The following NYAP2 variants were observed in gnomAD, a reference collection of about 807,000 sequenced individuals.
The protein encoded by NYAP2 is neuronal tyrosine-phosphorylated phosphoinositide-3-kinase adapter 2.
In NYAP2, 23 loss-of-function variants were observed where a neutral mutation model predicts 50.4. The ratio of observed to expected loss-of-function variants is 0.46; its 90% confidence interval spans 0.33 to 0.65. The LOEUF is 0.65. Ranked by LOEUF, NYAP2 falls within the 30% of genes least tolerant of loss-of-function variation. The pLI, the probability that NYAP2 is intolerant of heterozygous loss-of-function variation, is 0.02. For missense variants in NYAP2, 885 were observed against 861.0 expected, an observed-to-expected ratio of 1.03 and a Z score of -0.35; for synonymous variants, 394 against 365.2, an observed-to-expected ratio of 1.08 and a Z score of -0.90.
the NYAP2 span, among the ~76,000 whole-genome samples, chr2:225,677,656 C>T: frequency 2.0e-5 from 3 of 152,074 alleles, no homozygotes; most frequent in African/African-American, 7.2e-5. Flanking sequence ...TCTTTCTCTG[C>T]ATCTATTGAG....
chr2:225,606,190 T>C (rs1345491877), intron 5 of NYAP2, among the ~76,000 whole-genome samples: 1 of 152,132 alleles, frequency 6.6e-6, no homozygotes. Flanking sequence ...AAGTATGAAC[T>C]GGTACCCAGG....
At chr2:225,458,816 A>C (rs1464040229) in intron 3 of NYAP2, among the ~76,000 whole-genome samples, 2 of 152,358 alleles carry the variant, frequency 1.3e-5, no homozygotes, top group South Asian at 4.1e-4. Flanking sequence ...TTAGTCAAGA[A>C]GCTGTGTTGG....
chr2:225,641,482 A>AT (rs68154554), intron 6 of NYAP2, among the ~76,000 whole-genome samples: 52,544 of 136,332 alleles, frequency 0.39, 10,319 homozygotes, highest in East Asian at 0.43. Context: ...CACACACACA[A>AT]TTTTTTTTTT....
intron 4 of NYAP2, among the ~76,000 whole-genome samples, chr2:225,558,453 C>A (rs963634235): frequency 2.0e-5 from 3 of 152,058 alleles, no homozygotes; most frequent in Non-Finnish European, 2.9e-5. Flanking sequence ...TGGTTTATGA[C>A]CCCCGTCCTC....
At chr2:225,626,183 G>T (rs1309356273) in intron 5 of NYAP2, among the ~76,000 whole-genome samples, 2 of 152,202 alleles carry the variant, frequency 1.3e-5, no homozygotes, top group Non-Finnish European at 2.9e-5. Context: ...CAGGCAGTTG[G>T]ATAAATGAAT....
downstream of NYAP2, among the ~76,000 whole-genome samples, chr2:225,655,457 G>T (rs1253821490): frequency 6.6e-6 from 1 of 152,134 alleles, no homozygotes; most frequent in East Asian, 1.9e-4. Context: ...CCTACCATTA[G>T]AAAGTTAACT....
At chr2:225,643,254 A>C (rs1040540987) in intron 6 of NYAP2, among the ~76,000 whole-genome samples, 6 of 151,758 alleles carry the variant, frequency 4.0e-5, no homozygotes, top group Non-Finnish European at 8.8e-5. Context: ...TGCCATAGAG[A>C]TTTTTCCAGG....
chr2:225,398,403 T>G (rs999443096), upstream of NYAP2, among the ~76,000 whole-genome samples: 26 of 152,048 alleles, frequency 1.7e-4, no homozygotes, highest in African/African-American at 6.0e-4. Flanking sequence ...TGATAAAGTG[T>G]TTCCGTTTTC....
chr2:225,595,925 C>T (rs533581809), intron 5 of NYAP2, among the ~76,000 whole-genome samples: 1 of 152,320 alleles, frequency 6.6e-6, no homozygotes, highest in East Asian at 1.9e-4. Flanking sequence ...TTACATGAGG[C>T]TTCCTAATTG....
At chr2:225,546,964 G>A (rs76981738) in intron 4 of NYAP2, among the ~76,000 whole-genome samples, 1 of 152,132 alleles carries the variant, frequency 6.6e-6, no homozygotes, top group Non-Finnish European at 1.5e-5. Context: ...CAGGCCCAGA[G>A]TGTGTCTAGA....
At chr2:225,590,779 C>T (rs554329576) in intron 5 of NYAP2, among the ~76,000 whole-genome samples, 12 of 152,288 alleles carry the variant, frequency 7.9e-5, no homozygotes, top group South Asian at 4.1e-4. Context: ...ATCAGGGTAA[C>T]GTAGATTCAA....
chr2:225,469,198 G>T (rs1689973176), intron 3 of NYAP2, among the ~76,000 whole-genome samples: 2 of 152,104 alleles, frequency 1.3e-5, no homozygotes. Flanking sequence ...CAAAAAGTGG[G>T]CAAAGGATAT....
intron 5 of NYAP2, among the ~76,000 whole-genome samples, chr2:225,614,544 A>G (rs568135810): frequency 3.0e-4 from 45 of 152,338 alleles, no homozygotes; most frequent in African/African-American, 9.9e-4. Flanking sequence ...TGAGTTTTAT[A>G]AAGGCATTTT....
chr2:225,573,542 GC>G (rs1559218315), intron 4 of NYAP2, among the ~76,000 whole-genome samples: 3 of 151,908 alleles, frequency 2.0e-5, no homozygotes, highest in Non-Finnish European at 2.9e-5. Context: ...GAGCCACCAC[GC>G]CTGGCCCCAA....
At chr2:225,508,584 G>C (rs770048109) in intron 3 of NYAP2, among the ~76,000 whole-genome samples, 1 of 152,170 alleles carries the variant, frequency 6.6e-6, no homozygotes, top group Non-Finnish European at 1.5e-5. Context: ...ACAAGTCTGA[G>C]ATCACAATGC....
chr2:225,590,313 ATG>A (rs774288385), intron 5 of NYAP2, among the ~76,000 whole-genome samples: 5 of 152,106 alleles, frequency 3.3e-5, no homozygotes, highest in Non-Finnish European at 5.9e-5. Flanking sequence ...TTCTCCCAGG[ATG>A]TGACCTTGGG....
At chr2:225,496,937 G>A (rs896357119) in intron 3 of NYAP2, among the ~76,000 whole-genome samples, 1 of 151,754 alleles carries the variant, frequency 6.6e-6, no homozygotes, top group Admixed American at 6.6e-5. Flanking sequence ...ATTTTTAGAT[G>A]CATTGTGAGC....
intron 3 of NYAP2, among the ~76,000 whole-genome samples, chr2:225,439,611 A>T (rs2106139684): frequency 6.6e-6 from 1 of 152,254 alleles, no homozygotes; most frequent in East Asian, 1.9e-4. Context: ...GACATTGAAG[A>T]TGTCCAGAAT....
At chr2:225,693,595 T>A in the NYAP2 span, among the ~76,000 whole-genome samples, 3 of 152,010 alleles carry the variant, frequency 2.0e-5, no homozygotes, top group African/African-American at 7.2e-5. Flanking sequence ...GGTGACAGCA[T>A]GGTTATGATC....
Sources: allele counts gnomAD v4.1 joint callset (sites outside exome capture counted in the v4.1 genomes callset), GRCh38; gene constraint gnomAD v4.1.1; transcripts MANE v1.5; gene names NCBI Gene and HGNC (gene_info 2026-07-23, HGNC 2026-07-21).